Variants in APTX observed in about 807,000 individuals in gnomAD.
APTX encodes forkhead-associated domain histidine triad-like protein.
APTX carries 33 observed loss-of-function variants against 42.3 expected under a neutral mutation model. The observed-to-expected ratio is 0.78, with a 90% CI of 0.59 to 1.04. The LOEUF (loss-of-function observed/expected upper bound fraction) is 1.04. Ranked by LOEUF, APTX falls within the 50% of genes least tolerant of loss-of-function variation. APTX has a pLI of 0.00. For missense variants in APTX, 421 were observed against 415.1 expected, an observed-to-expected ratio of 1.01 and a Z score of -0.12; for synonymous variants, 130 against 146.7, an observed-to-expected ratio of 0.89 and a Z score of 0.82.
chr9:33,007,025 AAAG>A (rs1837208161), intron 1 of APTX, among the ~76,000 whole-genome samples: 1 of 85,202 alleles, frequency 1.2e-5, no homozygotes, highest in Admixed American at 1.2e-4. Context: ...AAAAAAAAAG[AAAG>A]AAAGAAAGAA....
At chr9:33,014,754 T>A (rs578053130) in intron 1 of APTX, among the ~76,000 whole-genome samples, 2 of 152,242 alleles carry the variant, frequency 1.3e-5, no homozygotes, top group African/African-American at 4.8e-5. Context: ...CCTAGAAGTA[T>A]TGCTGTAGCT....
Sources: allele counts gnomAD v4.1 joint callset (sites outside exome capture counted in the v4.1 genomes callset), GRCh38; gene constraint gnomAD v4.1.1; transcripts MANE v1.5; gene names NCBI Gene and HGNC (gene_info 2026-07-23, HGNC 2026-07-21).